The following TCF4 variants were observed in gnomAD, a reference collection of about 807,000 sequenced individuals.
The protein encoded by TCF4 is SL3-3 enhancer factor 2.
TCF4 carries 3 observed loss-of-function variants against 82.1 expected under a neutral mutation model. The ratio of observed to expected loss-of-function variants is 0.04; its 90% CI spans 0.02 to 0.09. The LOEUF (loss-of-function observed/expected upper bound fraction) is 0.09. Among genes scored for constraint, TCF4 ranks in the 10% least tolerant of loss-of-function variants. The pLI, the probability that TCF4 is intolerant of heterozygous loss-of-function variation, is 1.00. For synonymous variants in TCF4, 276 were observed against 309.6 expected (o/e 0.89, Z 1.14); for missense variants, 518 against 852.7 (o/e 0.61, Z 4.89).
chr18:55,409,946 A>G (rs1256275953), intron 5 of TCF4, among the ~76,000 whole-genome samples: 1 of 152,206 alleles, frequency 6.6e-6, no homozygotes, highest in African/African-American at 2.4e-5. Context: ...TCTCTCCTAC[A>G]GAATCTTACG....
intron 10 of TCF4, among the ~76,000 whole-genome samples, chr18:55,271,932 TG>T (rs1252598025): frequency 2.6e-5 from 4 of 152,122 alleles, no homozygotes; most frequent in Non-Finnish European, 5.9e-5. Flanking sequence ...TCCTATTCCA[TG>T]TGGAATTTCT....
At chr18:55,441,298 A>G (rs2095434385) in intron 5 of TCF4, among the ~76,000 whole-genome samples, 1 of 152,156 alleles carries the variant, frequency 6.6e-6, no homozygotes, top group South Asian at 2.1e-4. Context: ...TCCACTTCCA[A>G]TCATATCCTT....
At chr18:55,243,763 G>A (rs184161576) in intron 15 of TCF4, among the ~76,000 whole-genome samples, 1 of 152,130 alleles carries the variant, frequency 6.6e-6, no homozygotes, top group Non-Finnish European at 1.5e-5. Flanking sequence ...GTAGAGGGCA[G>A]AGTGTCCCAT....
At chr18:55,355,955 T>G (rs1257963541) in intron 6 of TCF4, among the ~76,000 whole-genome samples, 1 of 152,182 alleles carries the variant, frequency 6.6e-6, no homozygotes, top group Non-Finnish European at 1.5e-5. Context: ...CCAATCTGGT[T>G]GAACCTTAGC....
chr18:55,481,840 C>A (rs1423352544), intron 3 of TCF4, among the ~76,000 whole-genome samples: 1 of 152,198 alleles, frequency 6.6e-6, no homozygotes, highest in African/African-American at 2.4e-5. Context: ...GACTGCGATA[C>A]GTTATGAACA....
intron 6 of TCF4, among the ~76,000 whole-genome samples, chr18:55,374,945 TA>T (rs887889696): frequency 6.8e-6 from 1 of 146,790 alleles, no homozygotes; most frequent in African/African-American, 2.5e-5. Context: ...TTATATAAGC[TA>T]TTTCAGGACA....
In TCF4 at chr18:55,224,980, C is replaced by G. The variant is rs1435205235; in HGVS notation, c.*3055G>C. On this transcript the variant is annotated 3_prime_UTR_variant, in exon 20 of 20. Coordinates refer to ENST00000354452, the MANE Select transcript of TCF4 (RefSeq NM_001083962.2). Reference sequence around the variant, plus strand: ...TTAATCTTAACTGTCTTCTGCTGAACTTCATTTGAAAATCCAGTGCAGGAT... The same window carrying G: ...TTAATCTTAACTGTCTTCTGCTGAAGTTCATTTGAAAATCCAGTGCAGGAT... 6.6e-6 allele frequency: 1 copy of G among 152,146 alleles called. No individual in the cohort carries two copies. The highest frequency in any genetic ancestry group is 2.4e-5 in the African/African-American group (1 of 41,432). The allele number at this position is 152,146 out of a possible 1,614,324, so 9.4% of individuals were successfully genotyped here.
intron 18 of TCF4, 91 bp downstream of exon 18, chr18:55,228,756 T>C: frequency 4.6e-6 from 6 of 1,299,160 alleles, no homozygotes; most frequent in Non-Finnish European, 6.6e-6. Context: ...AAGTCTACTG[T>C]CTGCCACTGC....
At chr18:55,577,162 A>G (rs1285184949) in intron 3 of TCF4, among the ~76,000 whole-genome samples, 1 of 143,738 alleles carries the variant, frequency 7.0e-6, no homozygotes, top group Non-Finnish European at 1.5e-5. Flanking sequence ...ATATATGTAT[A>G]TATACATTTA....
Position 55,228,839 on chromosome 18 carries a change from G to C in TCF4, c.1879+8C>G. The C allele has an allele frequency of 6.2e-7, 1 of 1,613,866 alleles. No individual in the cohort carries two copies. Among genetic ancestry groups the C allele is most frequent in the Non-Finnish European group, 8.5e-7 (1 of 1,179,976 alleles). ...ACGAGCTCTGCAAGGAGGCTGGCCT[G>C]CACTGACCTCGGACTTGCTGCTCCA... is the stretch of plus-strand genomic sequence containing the variant. On this transcript the variant is annotated splice_region_variant and intron_variant, in intron 18 of 19. Coordinates refer to ENST00000354452, the MANE Select transcript of TCF4 (RefSeq NM_001083962.2).
chr18:55,598,231 TAGAG>T (rs1311601638), intron 2 of TCF4, among the ~76,000 whole-genome samples: 2 of 152,052 alleles, frequency 1.3e-5, no homozygotes, highest in Non-Finnish European at 2.9e-5. Flanking sequence ...ATGAAGCAGA[TAGAG>T]AGAAAAGAAT....
chr18:55,257,979 A>T lies in TCF4; in HGVS notation c.1070-588T>A, dbSNP rs916755036. 4.6e-5 allele frequency among the ~76,000 whole-genome samples: 7 copies of T among 152,238 alleles called. 1 individual carries two copies. In the South Asian group the frequency reaches 1.2e-3, roughly 27 times the overall value. ...ATTCATTAAACTTGAAGGTAAAAAA[A>T]GATTGCTGTTAGAATACATATTACA... On this transcript the variant is annotated intron_variant, in intron 13 of 19. Transcript: ENST00000354452.
intron 3 of TCF4, chr18:55,469,428 T>A (rs1603501956): frequency 6.6e-6 from 1 of 152,064 alleles, no homozygotes; most frequent in African/African-American, 2.4e-5. Context: ...CGAGCCACTG[T>A]ACTCCAGCCT....
intron 5 of TCF4, chr18:55,422,382 G>A (rs2094804381): frequency 1.0e-6 from 1 of 984,872 alleles, no homozygotes; most frequent in Admixed American, 6.2e-5. Context: ...TCTTGAAAGG[G>A]AAAAGGAAAG....
chr18:55,491,969 A>C (rs1224952282), intron 3 of TCF4, among the ~76,000 whole-genome samples: 1 of 152,184 alleles, frequency 6.6e-6, no homozygotes, highest in African/African-American at 2.4e-5. Flanking sequence ...TAGAAATTCA[A>C]ATTGCAAAGT....
intron 2 of TCF4, among the ~76,000 whole-genome samples, chr18:55,628,298 C>A (rs1351396499): frequency 6.6e-6 from 1 of 152,126 alleles, no homozygotes; most frequent in East Asian, 1.9e-4. Flanking sequence ...TTGAGAGAGG[C>A]ACTGCTTTCC....
intron 5 of TCF4, among the ~76,000 whole-genome samples, chr18:55,406,728 C>T (rs900129249): frequency 1.3e-5 from 2 of 152,172 alleles, no homozygotes; most frequent in African/African-American, 4.8e-5. Flanking sequence ...CTCCATTCTT[C>T]ACCACCCGCC....
intron 6 of TCF4, among the ~76,000 whole-genome samples, chr18:55,354,244 C>A (rs1411489909): frequency 6.6e-6 from 1 of 152,198 alleles, no homozygotes; most frequent in Middle Eastern, 3.2e-3. Context: ...CCTCTGCAGC[C>A]AATTCCCCTG....
chr18:55,355,749 C>A (rs1306129537), intron 6 of TCF4, among the ~76,000 whole-genome samples: 2 of 152,106 alleles, frequency 1.3e-5, no homozygotes, highest in African/African-American at 2.4e-5. Context: ...AGATATCTTG[C>A]AAATCAGGGA....
Sources: allele counts gnomAD v4.1 joint callset (sites outside exome capture counted in the v4.1 genomes callset), GRCh38; gene constraint gnomAD v4.1.1; transcripts MANE v1.5; gene names NCBI Gene and HGNC (gene_info 2026-07-23, HGNC 2026-07-21).